KIRREL3: variants seen among roughly 807,000 people sequenced by gnomAD.
The protein encoded by KIRREL3 is kin of IRRE-like protein 3.
KIRREL3 carries 36 observed loss-of-function variants against 89.7 expected under a neutral mutation model. That is an observed-to-expected ratio of 0.40 (90% CI 0.31 to 0.53). KIRREL3 has a LOEUF of 0.53. Ranked by LOEUF, KIRREL3 falls within the 20% of genes least tolerant of loss-of-function variation. The pLI, the probability that KIRREL3 is intolerant of heterozygous loss-of-function variation, is 0.49. For synonymous variants in KIRREL3, 445 were observed against 441.4 expected (o/e 1.01, Z -0.10); for missense variants, 864 against 1,056.6 (o/e 0.82, Z 2.53).
At chr11:126,730,635 T>G (rs1191523649) in intron 1 of KIRREL3, among the ~76,000 whole-genome samples, 1 of 152,218 alleles carries the variant, frequency 6.6e-6, no homozygotes, top group Non-Finnish European at 1.5e-5. Flanking sequence ...GGGATGGAGC[T>G]GAACACGATA....
Position 126,531,945 on chromosome 11 carries a change from A to G in KIRREL3, c.134-5258T>C, listed in dbSNP as rs949700751. ...GTCACTACAGGAAAATTGCTTTTGCATTATGAACTACTAACCCGGCAGATA... is the reference window on the plus strand; with the variant it reads ...GTCACTACAGGAAAATTGCTTTTGCGTTATGAACTACTAACCCGGCAGATA... On this transcript the variant is annotated intron_variant, in intron 2 of 16. Transcript: ENST00000525144. The surrounding 1 kb of genome is among the most constrained non-coding windows in gnomAD (Gnocchi z 4.7). 6.6e-6 allele frequency among the ~76,000 whole-genome samples: 1 copy of G among 152,166 alleles called. No individual in the cohort carries two copies. Among genetic ancestry groups the G allele is most frequent in the Admixed American group, 6.5e-5 (1 of 15,280 alleles).
At chr11:126,964,447 C>T (rs994840763) in intron 1 of KIRREL3, among the ~76,000 whole-genome samples, 2 of 152,142 alleles carry the variant, frequency 1.3e-5, no homozygotes, top group African/African-American at 4.8e-5. Context: ...AGGAGTTTGC[C>T]TAGTCTGCAC....
At chr11:126,952,071 G>C (rs1029531909) in intron 1 of KIRREL3, among the ~76,000 whole-genome samples, 8 of 152,148 alleles carry the variant, frequency 5.3e-5, no homozygotes, top group Non-Finnish European at 8.8e-5. Flanking sequence ...GGAGATAGAG[G>C]AAAAATGAGG....
Position 126,429,134 on chromosome 11 carries a change from G to A in KIRREL3, c.1806+45C>T, listed in dbSNP as rs1378959943. 1 of 1,285,116 alleles carries A rather than the reference G, an allele frequency of 7.8e-7. No homozygotes were observed. Among genetic ancestry groups the A allele is most frequent in the African/African-American group, 1.5e-5 (1 of 68,378 alleles). The allele number at this position is 1,285,116 out of a possible 1,614,324, so 79.6% of individuals were successfully genotyped here. A position where few individuals can be genotyped will look rare whatever the true frequency, so the allele number is the denominator to read the frequency against. ...GAAGCCTCTAGTCCCAGGACCTTCT[G>A]GGAATGGAGTCACGGGATGGGATGG... On this transcript the variant is annotated intron_variant, in intron 15 of 16. Coordinates refer to ENST00000525144, the MANE Select transcript of KIRREL3 (RefSeq NM_032531.4). The surrounding 1 kb of genome is among the most constrained non-coding windows in gnomAD (Gnocchi z 5.2).
At chr11:126,956,837 A>G (rs1215832261) in intron 1 of KIRREL3, among the ~76,000 whole-genome samples, 1 of 152,162 alleles carries the variant, frequency 6.6e-6, no homozygotes, top group Non-Finnish European at 1.5e-5. Context: ...CTTGCCAAGG[A>G]TCTACAAGCA....
rs554936146 is a variant in KIRREL3, at chr11:126,921,503, T to C, written c.55+78952A>G. Among the ~76,000 whole-genome samples, 4 of 152,124 alleles carry C rather than the reference T, an allele frequency of 2.6e-5. No individual in the cohort carries two copies. The East Asian group carries it at 5.8e-4, about 22-fold the overall frequency. On this transcript the variant is annotated intron_variant, in intron 1 of 16. Coordinates refer to ENST00000525144, the MANE Select transcript of KIRREL3 (RefSeq NM_032531.4). Reference sequence around the variant, plus strand: ...TCTTCCTGTGTTCCTATCTATTATCTATCTGTAATCTATCTATCTGTCTGT... The same window carrying C: ...TCTTCCTGTGTTCCTATCTATTATCCATCTGTAATCTATCTATCTGTCTGT...
At chr11:126,466,746 G>A (rs1343785130) in intron 5 of KIRREL3, among the ~76,000 whole-genome samples, 1 of 152,138 alleles carries the variant, frequency 6.6e-6, no homozygotes, top group Admixed American at 6.5e-5. Flanking sequence ...GCTCCACTCC[G>A]CCCCTCCCTT....
In KIRREL3 at chr11:126,471,952, A is replaced by C. The variant is rs1422567885; in HGVS notation, c.591+1357T>G. 6.6e-6 allele frequency among the ~76,000 whole-genome samples: 1 copy of C among 152,050 alleles called. No homozygotes were observed. The highest frequency in any genetic ancestry group is 1.9e-4 in the East Asian group (1 of 5,160). ...CCCTGTTGGTAGACACAGCAGGGCAAGGGCTGTTGGGTAAGGGATCATGGG... is the reference window on the plus strand; with the variant it reads ...CCCTGTTGGTAGACACAGCAGGGCACGGGCTGTTGGGTAAGGGATCATGGG... On this transcript the variant is annotated intron_variant, in intron 5 of 16. Transcript: ENST00000525144. This position sits in a 1 kb window ranked among gnomAD's most constrained non-coding sequence, Gnocchi z 5.4.
chr11:126,765,910 C>A (rs540374895), intron 1 of KIRREL3, among the ~76,000 whole-genome samples: 59 of 152,130 alleles, frequency 3.9e-4, no homozygotes, highest in Non-Finnish European at 8.2e-4. Context: ...GGCAAGGAAG[C>A]CCCTCCCTTC....
rs74483656 is a variant in KIRREL3, at chr11:126,606,589, A to G, written c.56-43677T>C. ...CAGACCACATCCCAGATGACCTTAC[A>G]CACCCCAGGGGTTGATACCAGGCCG... On this transcript the variant is annotated intron_variant, in intron 1 of 16. Transcript: ENST00000525144. The surrounding 1 kb of genome is among the most constrained non-coding windows in gnomAD (Gnocchi z 4.6). 0.013 allele frequency among the ~76,000 whole-genome samples: 1,986 copies of G among 152,180 alleles called. 35 individuals carry two copies. The highest frequency in any genetic ancestry group is 0.045 in the African/African-American group (1,853 of 41,496).
In KIRREL3 at chr11:126,989,495, C is replaced by T. The variant is rs1000597118; in HGVS notation, c.55+10960G>A. On this transcript the variant is annotated intron_variant, in intron 1 of 16. Coordinates refer to ENST00000525144, the MANE Select transcript of KIRREL3 (RefSeq NM_032531.4). The surrounding 1 kb of genome is among the most constrained non-coding windows in gnomAD (Gnocchi z 6.2). ...ATGAAAGGCCAAAGGTAACATAAAC[C>T]GCCAGCTCTACCAACCACTCAGGCT... 6.6e-5 allele frequency among the ~76,000 whole-genome samples: 10 copies of T among 152,128 alleles called. No individual in the cohort carries two copies. Among genetic ancestry groups the T allele is most frequent in the Non-Finnish European group, 1.5e-4 (10 of 68,030 alleles).
At chr11:126,998,527 T>G (rs1257598785) in intron 1 of KIRREL3, among the ~76,000 whole-genome samples, 1 of 152,178 alleles carries the variant, frequency 6.6e-6, no homozygotes, top group African/African-American at 2.4e-5. Flanking sequence ...AAGAACTGCA[T>G]GATGTTATGG....
chr11:126,596,183 C>T (rs1047970055), intron 1 of KIRREL3, among the ~76,000 whole-genome samples: 18 of 152,198 alleles, frequency 1.2e-4, no homozygotes, highest in African/African-American at 3.9e-4. Flanking sequence ...CATGAAGTCC[C>T]AGGAGTTCTG....
rs1441806012 is a variant in KIRREL3, at chr11:126,771,762, T to C, written c.56-208850A>G. Among the ~76,000 whole-genome samples the C allele has an allele frequency of 6.6e-6, 1 of 152,218 alleles. No homozygotes were observed. Among genetic ancestry groups the C allele is most frequent in the Admixed American group, 6.5e-5 (1 of 15,288 alleles). On this transcript the variant is annotated intron_variant, in intron 1 of 16. Transcript: ENST00000525144. This position sits in a 1 kb window ranked among gnomAD's most constrained non-coding sequence, Gnocchi z 4.4. ...ATCTAATGATCAACCAACATCTTTA[T>C]TAAAAAAACGTTTTCATGTGAAGCC... is the stretch of plus-strand genomic sequence containing the variant.
rs547535353 is a variant in KIRREL3 at position 126,557,742 on chromosome 11, C to G, written c.133+5093G>C. ...ATGAGATTCTCAACCTCCCAGGGCT[C>G]TGACTCCCCTGTAAGGCTGGGAAGT... On this transcript the variant is annotated intron_variant, in intron 2 of 16. Coordinates refer to ENST00000525144, the MANE Select transcript of KIRREL3 (RefSeq NM_032531.4). The surrounding 1 kb of genome is among the most constrained non-coding windows in gnomAD (Gnocchi z 5.6). Among the ~76,000 whole-genome samples the G allele has an allele frequency of 8.5e-5, 13 of 152,216 alleles. No individual in the cohort carries two copies. The highest frequency in any genetic ancestry group is 6.5e-5 in the Admixed American group (1 of 15,284).
chr11:126,823,937 G>A (rs765890575), intron 1 of KIRREL3, among the ~76,000 whole-genome samples: 2 of 152,162 alleles, frequency 1.3e-5, no homozygotes, highest in Non-Finnish European at 2.9e-5. Context: ...GAGCCAGGGG[G>A]TATCTTGCTG....
chr11:126,708,297 T>C lies in KIRREL3; in HGVS notation c.56-145385A>G, dbSNP rs1565666741. Among the ~76,000 whole-genome samples, 1 of 151,518 alleles carries C rather than the reference T, an allele frequency of 6.6e-6. No individual in the cohort carries two copies. Among genetic ancestry groups the C allele is most frequent in the African/African-American group, 2.4e-5 (1 of 41,166 alleles). On this transcript the variant is annotated intron_variant, in intron 1 of 16. Coordinates refer to ENST00000525144, the MANE Select transcript of KIRREL3 (RefSeq NM_032531.4). The surrounding 1 kb of genome is among the most constrained non-coding windows in gnomAD (Gnocchi z 5.7). ...CGAGCATCTGAGAAGGCTCAGAAAG[T>C]CTGAATAAGCAATACTGGAATAACA...
Position 126,676,017 on chromosome 11 carries a change from C to T in KIRREL3, c.56-113105G>A, listed in dbSNP as rs936628589. ...GAAGCTGGATGGATGATGATGTTAA[C>T]ACCAAGAATAAGAAATCCAGTAGGA... On this transcript the variant is annotated intron_variant, in intron 1 of 16. Transcript: ENST00000525144. The surrounding 1 kb of genome is among the most constrained non-coding windows in gnomAD (Gnocchi z 4.5). 3.3e-5 allele frequency among the ~76,000 whole-genome samples: 5 copies of T among 152,152 alleles called. No individual in the cohort carries two copies. The highest frequency in any genetic ancestry group is 9.7e-5 in the African/African-American group (4 of 41,418).
chr11:126,808,632 C>T lies in KIRREL3; in HGVS notation c.55+191823G>A, dbSNP rs578076291. ...AAAATGGAGCCAAATGGGCGGGGGCCTTTTTCTGCGCTTTTTAACCATCTC... is the reference window on the plus strand; with the variant it reads ...AAAATGGAGCCAAATGGGCGGGGGCTTTTTTCTGCGCTTTTTAACCATCTC... On this transcript the variant is annotated intron_variant, in intron 1 of 16. Transcript: ENST00000525144. This position sits in a 1 kb window ranked among gnomAD's most constrained non-coding sequence, Gnocchi z 4.1. Among the ~76,000 whole-genome samples, 4 of 152,282 alleles carry T rather than the reference C, an allele frequency of 2.6e-5. No individual in the cohort carries two copies. The East Asian group carries it at 7.7e-4, about 29-fold the overall frequency.
Sources: allele counts gnomAD v4.1 joint callset (sites outside exome capture counted in the v4.1 genomes callset), GRCh38; gene constraint gnomAD v4.1.1; non-coding constraint Gnocchi (gnomAD v3.1); transcripts MANE v1.5; gene names NCBI Gene and HGNC (gene_info 2026-07-23, HGNC 2026-07-21).